PRR16: variants seen among roughly 807,000 people sequenced by gnomAD.
PRR16 encodes protein Largen.
PRR16 carries 6 observed loss-of-function variants against 18.2 expected under a neutral mutation model. The observed-to-expected ratio is 0.33, with a 90% CI of 0.18 to 0.65. PRR16 has a LOEUF of 0.65. PRR16 is among the 30% of genes least tolerant of loss of function. The pLI is 0.74. For synonymous variants in PRR16, 151 were observed against 147.8 expected (o/e 1.02, Z -0.16); for missense variants, 412 against 376.6 (o/e 1.09, Z -0.78).
the PRR16 span, among the ~76,000 whole-genome samples, chr5:120,704,987 T>C: frequency 6.6e-6 from 1 of 152,124 alleles, no homozygotes; most frequent in Non-Finnish European, 1.5e-5. Context: ...TAGAGATCCA[T>C]TTAAGATTAG....
chr5:120,658,255 A>C (rs76229857), intron 1 of PRR16: 8,753 of 151,548 alleles, frequency 0.058, 304 homozygotes, highest in South Asian at 0.084. Context: ...CCAGTGTGAC[A>C]TGTATGTCTG....
chr5:120,598,801 A>G (rs1037566), intron 1 of PRR16, among the ~76,000 whole-genome samples: 14,368 of 151,886 alleles, frequency 0.095, 1,449 homozygotes, highest in African/African-American at 0.26. Context: ...TGGTGTTTAT[A>G]TGCCACATTT....
At chr5:120,707,317 C>T in the PRR16 span, among the ~76,000 whole-genome samples, 1 of 152,078 alleles carries the variant, frequency 6.6e-6, no homozygotes, top group Non-Finnish European at 1.5e-5. Flanking sequence ...TAATATGTTC[C>T]ATAGCTTGTG....
chr5:120,730,799 T>C, the PRR16 span, among the ~76,000 whole-genome samples: 1 of 152,162 alleles, frequency 6.6e-6, no homozygotes. Context: ...TTCATGCATA[T>C]GGAAAACAAA....
intron 1 of PRR16, among the ~76,000 whole-genome samples, chr5:120,619,796 C>G (rs1222744928): frequency 1.3e-5 from 2 of 151,988 alleles, no homozygotes; most frequent in Admixed American, 6.6e-5. Flanking sequence ...TGAACATGCA[C>G]TTTGCACTAT....
intron 1 of PRR16, among the ~76,000 whole-genome samples, chr5:120,576,961 CAT>C (rs535569321): frequency 2.0e-3 from 300 of 152,088 alleles, no homozygotes; most frequent in African/African-American, 6.0e-3. Flanking sequence ...CACATATACA[CAT>C]ATATATGTTT....
chr5:120,768,765 T>G, the PRR16 span, among the ~76,000 whole-genome samples: 1 of 151,766 alleles, frequency 6.6e-6, no homozygotes, highest in African/African-American at 2.4e-5. Flanking sequence ...TCTGGCAAAT[T>G]TAATTTAAGA....
intron 1 of PRR16, among the ~76,000 whole-genome samples, chr5:120,604,013 A>C (rs1754069269): frequency 6.6e-6 from 1 of 152,022 alleles, no homozygotes; most frequent in South Asian, 2.1e-4. Flanking sequence ...TGAAGATAAG[A>C]AGAATGTATA....
the PRR16 span, among the ~76,000 whole-genome samples, chr5:120,762,893 T>C: frequency 1.1e-4 from 16 of 152,210 alleles, no homozygotes; most frequent in Admixed American, 8.5e-4. Flanking sequence ...CTACTAACAT[T>C]GTAACTTGAG....
At chr5:120,708,475 A>C in the PRR16 span, among the ~76,000 whole-genome samples, 7 of 152,214 alleles carry the variant, frequency 4.6e-5, no homozygotes, top group Admixed American at 4.6e-4. Flanking sequence ...TGATTTCCTT[A>C]GGATATCTTG....
chr5:120,517,662 G>A (rs996370453), intron 1 of PRR16, among the ~76,000 whole-genome samples: 3 of 151,720 alleles, frequency 2.0e-5, no homozygotes, highest in Non-Finnish European at 4.4e-5. Context: ...GTTCTTTTTC[G>A]ACAGTAGAGC....
intron 1 of PRR16, among the ~76,000 whole-genome samples, chr5:120,526,814 G>C (rs540677666): frequency 1.3e-5 from 2 of 152,078 alleles, no homozygotes; most frequent in Non-Finnish European, 2.9e-5. Flanking sequence ...GGCCAGGATG[G>C]TCTCAATCTC....
intron 1 of PRR16, among the ~76,000 whole-genome samples, chr5:120,655,753 A>T (rs1230336821): frequency 6.7e-6 from 1 of 149,900 alleles, no homozygotes; most frequent in African/African-American, 2.5e-5. Flanking sequence ...TTTTTTCTGA[A>T]TGCAACCCAT....
Position 120,468,216 on chromosome 5 carries a change from T to A in PRR16, c.159+3571T>A, listed in dbSNP as rs2112794617. Among the ~76,000 whole-genome samples the A allele has an allele frequency of 1.3e-5, 2 of 152,216 alleles. 1 individual carries two copies. Among genetic ancestry groups the A allele is most frequent in the South Asian group, 4.1e-4 (2 of 4,830 alleles). On this transcript the variant is annotated intron_variant, in intron 1 of 1. Transcript: ENST00000407149. ...TGAAAATATATGAATTTTAAGAAAT[T>A]TACAGTTGACTTAGATTGTCATGGT...
chr5:120,591,330 T>G (rs1377334148), intron 1 of PRR16, among the ~76,000 whole-genome samples: 1 of 151,984 alleles, frequency 6.6e-6, no homozygotes, highest in Non-Finnish European at 1.5e-5. Context: ...TATATATCCT[T>G]TTATAACAAG....
chr5:120,546,205 A>G (rs146474608), intron 1 of PRR16, among the ~76,000 whole-genome samples: 146 of 152,224 alleles, frequency 9.6e-4, no homozygotes, highest in African/African-American at 3.3e-3. Flanking sequence ...TCTACTCACA[A>G]TCTGCTGATA....
chr5:120,626,526 G>A (rs1291321758), intron 1 of PRR16, among the ~76,000 whole-genome samples: 2 of 152,070 alleles, frequency 1.3e-5, no homozygotes, highest in African/African-American at 4.8e-5. Context: ...CTGGATTGTT[G>A]CAATGGTTGC....
chr5:120,776,570 G>A, the PRR16 span, among the ~76,000 whole-genome samples: 1 of 152,004 alleles, frequency 6.6e-6, no homozygotes, highest in African/African-American at 2.4e-5. Flanking sequence ...GATAAATAAG[G>A]TTCCAAAATA....
chr5:120,603,491 A>T (rs7711209), intron 1 of PRR16, among the ~76,000 whole-genome samples: 15,052 of 151,866 alleles, frequency 0.099, 1,655 homozygotes, highest in African/African-American at 0.28. Flanking sequence ...AATCTTGCTT[A>T]TTCTTTTGAA....
Sources: gnomAD v4.1 joint callset for allele counts (sites outside exome capture counted in the v4.1 genomes callset) on GRCh38, gnomAD v4.1.1 for gene constraint, MANE v1.5 for transcripts, NCBI Gene and HGNC (gene_info 2026-07-23, HGNC 2026-07-21) for gene names.